Variants in CTBP1 observed in about 807,000 individuals in gnomAD.
CTBP1 encodes C-terminal-binding protein 1.
A neutral mutation model predicts 42.1 loss-of-function variants in CTBP1; 11 were observed. The observed-to-expected ratio is 0.26, with a 90% confidence interval of 0.16 to 0.43. The LOEUF (loss-of-function observed/expected upper bound fraction) is 0.43. Among genes scored for constraint, CTBP1 ranks in the 20% least tolerant of loss-of-function variants. The pLI, the probability that CTBP1 is intolerant of heterozygous loss-of-function variation, is 1.00. For missense variants in CTBP1, 399 were observed against 624.3 expected (o/e 0.64, Z 3.85); for synonymous variants, 324 against 277.1 (o/e 1.17, Z -1.68).
chr4:1,212,838 C>T (rs2108698470), intron 9 of CTBP1, 75 bp downstream of exon 9: 1 of 1,303,436 alleles, frequency 7.7e-7, no homozygotes, highest in Non-Finnish European at 1.1e-6. Context: ...GCCCCTCCCA[C>T]CAGGGGCTGT....
At chr4:1,241,819 C>T (rs1245970607) in intron 1 of CTBP1, 18 of 1,170,386 alleles carry the variant, frequency 1.5e-5, no homozygotes, top group African/African-American at 8.0e-5. Flanking sequence ...AGGCTCTAGC[C>T]GCATCCAGAT....
At chr4:1,227,640 AACTGC>A (rs1209487375) in intron 4 of CTBP1, among the ~76,000 whole-genome samples, 1 of 113,438 alleles carries the variant, frequency 8.8e-6, no homozygotes, top group Non-Finnish European at 1.8e-5. Flanking sequence ...TCCGTGTGCT[AACTGC>A]ATGTGCATGG....
chr4:1,246,101 A>G (rs1008936262), intron 1 of CTBP1, among the ~76,000 whole-genome samples: 12 of 152,268 alleles, frequency 7.9e-5, no homozygotes, highest in African/African-American at 2.9e-4. Flanking sequence ...TCTGGAAACG[A>G]TGGTCAGTGA....
At chr4:1,224,698 A>G (rs536152197) in intron 5 of CTBP1, among the ~76,000 whole-genome samples, 1 of 144,942 alleles carries the variant, frequency 6.9e-6, no homozygotes, top group East Asian at 2.1e-4. Flanking sequence ...TGTGAGACCC[A>G]TGGGTGTGTT....
intron 1 of CTBP1, chr4:1,243,454 C>T (rs1732398698): frequency 1.0e-6 from 1 of 985,300 alleles, no homozygotes; most frequent in African/African-American, 1.7e-5. Flanking sequence ...TCCAAGGCTG[C>T]TCCAGTTCAG....
rs574380977 is a variant in CTBP1, at chr4:1,236,417, C to T, written c.162+1766G>A. The T allele has an allele frequency of 2.4e-4, 133 of 559,230 alleles. 1 individual carries two copies. In the South Asian group the frequency reaches 2.5e-3, roughly 10 times the overall value. The allele number at this position is 559,230 out of a possible 1,614,324, so 34.6% of individuals were successfully genotyped here. ...GAGACCGCCCGTGTGAAGACCGCCG[C>T]GCAACTGGGGCCGGGGGAAGCACCT... is the stretch of plus-strand genomic sequence containing the variant. On this transcript the variant is annotated intron_variant, in intron 3 of 9. Transcript: ENST00000382952.
intron 2 of CTBP1, among the ~76,000 whole-genome samples, chr4:1,240,024 G>A (rs2108791774): frequency 6.6e-6 from 1 of 152,346 alleles, no homozygotes; most frequent in South Asian, 2.1e-4. Flanking sequence ...CTGAGTGAGT[G>A]GATAGACATC....
intron 4 of CTBP1, among the ~76,000 whole-genome samples, chr4:1,227,944 G>A (rs1443530655): frequency 2.0e-5 from 3 of 152,242 alleles, no homozygotes; most frequent in Non-Finnish European, 2.9e-5. Flanking sequence ...AGCCAGACAT[G>A]CATGCAGACC....
At chr4:1,249,709 C>G (rs902384138), upstream of CTBP1, 9 of 405,512 alleles carry the variant, frequency 2.2e-5, no homozygotes, top group African/African-American at 1.7e-4. Flanking sequence ...CCCAGTGCGT[C>G]CCCAGGCGGG....
upstream of CTBP1, chr4:1,249,472 C>G (rs1733125483): frequency 8.0e-6 from 1 of 125,634 alleles, no homozygotes; most frequent in Non-Finnish European, 1.8e-5. Context: ...CGGGCCCGAA[C>G]GTAAATGGCG....
At chr4:1,244,478 G>A (rs546342290) in intron 1 of CTBP1, 295 of 985,082 alleles carry the variant, frequency 3.0e-4, no homozygotes, top group East Asian at 1.8e-3. Flanking sequence ...ACCCAGGCTC[G>A]GCAGCTACCA....
At position 1,248,551 on chromosome 4, in the gene CTBP1, C is replaced by T. The variant is rs566372893; in HGVS notation, c.-189+365G>A. 7 of 404,710 alleles carry T rather than the reference C, an allele frequency of 1.7e-5. No individual in the cohort carries two copies. The South Asian group carries it at 6.1e-4, about 35-fold the overall frequency. The allele number at this position is 404,710 out of a possible 1,614,324, so 25.1% of individuals were successfully genotyped here. ...GGGGTCATGACCGGGGACGGGGTAG[C>T]GGCCGGGGATCGGGACCCGGGGTGC... On this transcript the variant is annotated intron_variant, in intron 1 of 9. Coordinates refer to ENST00000382952, the MANE Select transcript of CTBP1 (RefSeq NM_001012614.2).
rs1730589564 is a variant in CTBP1 at position 1,228,206 on chromosome 4, C to T, written c.300G>A (p.Gly100=). 16 of 1,614,128 alleles carry T rather than the reference C, an allele frequency of 9.9e-6. No homozygotes were observed. Among genetic ancestry groups the T allele is most frequent in the Non-Finnish European group, 1.4e-5 (16 of 1,179,982 alleles). The change falls in exon 4 of 10, where the codon GGG becomes GGA. Residue 100 remains glycine (G), a synonymous_variant. Transcript: ENST00000382952. ...AACTCGGAGCCGGCCTACCTAAATCCCCGGCCGACTTGATGTCGATGTTGT... is the reference window on the plus strand; with the variant it reads ...AACTCGGAGCCGGCCTACCTAAATCTCCGGCCGACTTGATGTCGATGTTGT... ...GFDNIDIKSA[G]DLGIAVCNVP...
rs1301951740 is a variant in CTBP1, at chr4:1,222,416, G to A, written c.514+2944C>T. Among the ~76,000 whole-genome samples the A allele has an allele frequency of 4.6e-5, 7 of 152,256 alleles. No homozygotes were observed. The East Asian group carries it at 9.7e-4, about 21-fold the overall frequency. On this transcript the variant is annotated intron_variant, in intron 5 of 9. Transcript: ENST00000382952. ...AAGATCACCACAGACAGAGGGGCCC[G>A]CGCCGAGAGCGAGGGAAGCAGCTGC...
In CTBP1 at chr4:1,223,788, T is replaced by C. The variant is rs143967795; in HGVS notation, c.514+1572A>G. Among the ~76,000 whole-genome samples the C allele has an allele frequency of 5.6e-3, 847 of 150,638 alleles. 4 individuals are homozygous for C. The highest frequency in any genetic ancestry group is 0.01 in the Non-Finnish European group (699 of 67,584). On this transcript the variant is annotated intron_variant, in intron 5 of 9. Coordinates refer to ENST00000382952, the MANE Select transcript of CTBP1 (RefSeq NM_001012614.2). ...CCCAGCTCTACTTTCCCTTAAGACATGGCTCTACTCCCAGGATCTCACACA... is the reference window on the plus strand; with the variant it reads ...CCCAGCTCTACTTTCCCTTAAGACACGGCTCTACTCCCAGGATCTCACACA...
intron 1 of CTBP1, chr4:1,244,490 C>T: frequency 2.0e-6 from 2 of 985,240 alleles, no homozygotes; most frequent in Non-Finnish European, 1.2e-6. Flanking sequence ...CAGCTACCAA[C>T]CCTCCACGTC....
At chr4:1,232,056 T>A (rs1003719602) in intron 3 of CTBP1, among the ~76,000 whole-genome samples, 1 of 152,260 alleles carries the variant, frequency 6.6e-6, no homozygotes, top group Non-Finnish European at 1.5e-5. Flanking sequence ...ATATATAAAC[T>A]TTTTCATTTA....
rs1731820346 is a variant in CTBP1, at chr4:1,238,566, A to C, written c.8-229T>G. Among the ~76,000 whole-genome samples the C allele has an allele frequency of 6.6e-6, 1 of 150,966 alleles. No individual in the cohort carries two copies. Among genetic ancestry groups the C allele is most frequent in the Non-Finnish European group, 1.5e-5 (1 of 67,700 alleles). On this transcript the variant is annotated intron_variant, in intron 2 of 9. Coordinates refer to ENST00000382952, the MANE Select transcript of CTBP1 (RefSeq NM_001012614.2). The surrounding 1 kb of genome is among the most constrained non-coding windows in gnomAD (Gnocchi z 5.9). ...ACACAGACTGTGGACACCCACTACC[A>C]TCTCCCTTGGGCACAGGACCTCCGA... is the stretch of plus-strand genomic sequence containing the variant.
At position 1,225,558 on chromosome 4, in the gene CTBP1, C is replaced by T. The variant is rs1185162847; in HGVS notation, c.316G>A (p.Val106Ile). The T allele has an allele frequency of 2.6e-5, 40 of 1,540,486 alleles. No homozygotes were observed. The highest frequency in any genetic ancestry group is 1.4e-5 in the African/African-American group (1 of 73,006). ...ACAGACGCCGCGGGCACGTTGCAGA[C>T]GGCAATGCCTGTGGGGACAAGGACA... is the stretch of plus-strand genomic sequence containing the variant. Reference protein sequence around the residue: ...IKSAGDLGIAVCNVPAASVEE... With the variant: ...IKSAGDLGIAICNVPAASVEE... The change falls in exon 5 of 10, where the codon GTC (valine) becomes ATC (isoleucine). Residue 106 changes from valine to isoleucine, a missense_variant. Val to Ile is a conservative substitution (Grantham distance 29, BLOSUM62 3). Around this residue, in one of 4 missense-constraint regions of CTBP1, gnomAD observed 309 missense variants for 497.5 expected, o/e 0.62. Transcript: ENST00000382952.
Sources: allele counts gnomAD v4.1 joint callset (sites outside exome capture counted in the v4.1 genomes callset), GRCh38; gene constraint gnomAD v4.1.1; regional missense constraint gnomAD v4.1.1; non-coding constraint Gnocchi (gnomAD v3.1); transcripts MANE v1.5; gene names NCBI Gene and HGNC (gene_info 2026-07-23, HGNC 2026-07-21).